The following RBFOX1 variants were observed in gnomAD, a reference collection of about 807,000 sequenced individuals.
The protein encoded by RBFOX1 is RNA binding protein fox-1 homolog 1.
In RBFOX1, 8 loss-of-function variants were observed where a neutral mutation model predicts 57.7. That is an observed-to-expected ratio of 0.14 (90% CI 0.08 to 0.25). The LOEUF (loss-of-function observed/expected upper bound fraction) is 0.25. RBFOX1 is among the 10% of genes least tolerant of loss of function. The pLI, the probability that RBFOX1 is intolerant of heterozygous loss-of-function variation, is 1.00. For synonymous variants in RBFOX1, 326 were observed against 222.4 expected (o/e 1.47, Z -4.15); for missense variants, 611 against 548.5 (o/e 1.11, Z -1.14).
At chr16:5,450,481 C>T (rs537958815) in intron 1 of RBFOX1, among the ~76,000 whole-genome samples, 24 of 152,272 alleles carry the variant, frequency 1.6e-4, no homozygotes, top group Non-Finnish European at 3.2e-4. Context: ...TGCGGTACAA[C>T]CAGGGGAGCT....
At chr16:7,561,493 C>G (rs1007339250) in intron 5 of RBFOX1, among the ~76,000 whole-genome samples, 1 of 152,186 alleles carries the variant, frequency 6.6e-6, no homozygotes, top group African/African-American at 2.4e-5. Flanking sequence ...TGAGAAACTC[C>G]GAAATATCCT....
At chr16:5,454,878 C>G (rs1273475152) in intron 1 of RBFOX1, among the ~76,000 whole-genome samples, 1 of 84,638 alleles carries the variant, frequency 1.2e-5, no homozygotes, top group African/African-American at 4.4e-5. Flanking sequence ...TTCTTTCTTT[C>G]TTTCTTTCTT....
chr16:7,703,495 A>G (rs2081431499), intron 14 of RBFOX1, among the ~76,000 whole-genome samples: 1 of 152,170 alleles, frequency 6.6e-6, no homozygotes, highest in African/African-American at 2.4e-5. Context: ...TGGAAGAATA[A>G]AAAGTTCCCA....
At chr16:6,325,053 G>C (rs983004782) in intron 2 of RBFOX1, among the ~76,000 whole-genome samples, 10 of 152,124 alleles carry the variant, frequency 6.6e-5, no homozygotes, top group African/African-American at 2.4e-4. Context: ...ATGGGTTGTA[G>C]TAACGAATTA....
intron 1 of RBFOX1, among the ~76,000 whole-genome samples, chr16:5,447,186 C>A (rs537732599): frequency 1.2e-3 from 177 of 152,250 alleles, no homozygotes; most frequent in Non-Finnish European, 1.9e-3. Context: ...ATAACCTTCC[C>A]CTCAAAGGAG....
intron 3 of RBFOX1, among the ~76,000 whole-genome samples, chr16:6,844,622 T>C (rs983069145): frequency 3.3e-5 from 5 of 152,180 alleles, no homozygotes; most frequent in African/African-American, 1.2e-4. Flanking sequence ...GTCTTTGCTA[T>C]CGTGAATAGT....
intron 3 of RBFOX1, among the ~76,000 whole-genome samples, chr16:6,939,789 G>C (rs2078034954): frequency 1.3e-5 from 2 of 152,134 alleles, no homozygotes. Context: ...TGGGATTACA[G>C]ATGTCAGCCA....
At chr16:7,318,522 A>G (rs753566239) in intron 4 of RBFOX1, among the ~76,000 whole-genome samples, 7 of 152,094 alleles carry the variant, frequency 4.6e-5, no homozygotes, top group African/African-American at 9.7e-5. Context: ...CTTTGTTTTA[A>G]TTGTCTCATC....
chr16:7,027,379 C>G (rs770783507), intron 3 of RBFOX1, among the ~76,000 whole-genome samples: 2 of 152,148 alleles, frequency 1.3e-5, no homozygotes, highest in Non-Finnish European at 2.9e-5. Context: ...GATATAATCT[C>G]ATAGATGCCT....
intron 2 of RBFOX1, among the ~76,000 whole-genome samples, chr16:5,529,534 C>G (rs1047359164): frequency 1.3e-5 from 2 of 150,950 alleles, no homozygotes; most frequent in Non-Finnish European, 2.9e-5. Flanking sequence ...GTAGCTGGGA[C>G]TACAGGCGTG....
intron 3 of RBFOX1, among the ~76,000 whole-genome samples, chr16:6,890,769 C>A (rs141706100): frequency 3.3e-5 from 5 of 152,094 alleles, no homozygotes. Context: ...CTGATTTAAG[C>A]TTTTTTAACC....
chr16:6,558,146 G>A (rs866443482), intron 2 of RBFOX1, among the ~76,000 whole-genome samples: 15 of 152,048 alleles, frequency 9.9e-5, no homozygotes, highest in Admixed American at 2.6e-4. Flanking sequence ...AAAAATATCG[G>A]TTGCCCAGAA....
chr16:7,189,941 A>G (rs13338020), intron 4 of RBFOX1, among the ~76,000 whole-genome samples: 1,745 of 152,326 alleles, frequency 0.011, 31 homozygotes, highest in African/African-American at 0.04. Flanking sequence ...CTTGGGCAAG[A>G]CATCAATTAG....
chr16:7,574,936 C>T (rs1452191602), intron 5 of RBFOX1, among the ~76,000 whole-genome samples: 1 of 151,906 alleles, frequency 6.6e-6, no homozygotes, highest in Non-Finnish European at 1.5e-5. Flanking sequence ...TGGATAACAG[C>T]TGCTTGTTTG....
chr16:6,548,777 G>C (rs772140153), intron 2 of RBFOX1, among the ~76,000 whole-genome samples: 1 of 151,986 alleles, frequency 6.6e-6, no homozygotes, highest in African/African-American at 2.4e-5. Context: ...CGTAGTCTTC[G>C]AGAAGTTAGC....
At chr16:6,638,568 A>C (rs2098462795) in intron 2 of RBFOX1, among the ~76,000 whole-genome samples, 1 of 152,208 alleles carries the variant, frequency 6.6e-6, no homozygotes, top group Non-Finnish European at 1.5e-5. Context: ...AAAACCAAGA[A>C]AATGGCTATC....
At chr16:5,856,605 A>ATATATATATATATATGTAT in intron 3 of RBFOX1, among the ~76,000 whole-genome samples, 1 of 74,012 alleles carries the variant, frequency 1.4e-5, no homozygotes, top group African/African-American at 4.4e-5. Flanking sequence ...ATATATATAT[A>ATATATATATATATATGTAT]ATCTTAGCCA....
chr16:7,166,619 G>A (rs1227220776), intron 4 of RBFOX1, among the ~76,000 whole-genome samples: 1 of 152,098 alleles, frequency 6.6e-6, no homozygotes, highest in Admixed American at 6.6e-5. Flanking sequence ...TCATGGACTG[G>A]CCCTCCTTCG....
chr16:5,500,892 C>A (rs927644458), intron 2 of RBFOX1, among the ~76,000 whole-genome samples: 1 of 152,202 alleles, frequency 6.6e-6, no homozygotes, highest in African/African-American at 2.4e-5. Flanking sequence ...ATCCCAAACT[C>A]CAGAGAGATG....
Sources: gnomAD v4.1 joint callset for allele counts (sites outside exome capture counted in the v4.1 genomes callset) on GRCh38, gnomAD v4.1.1 for gene constraint, MANE v1.5 for transcripts, NCBI Gene and HGNC (gene_info 2026-07-23, HGNC 2026-07-21) for gene names.